The following IKBIP variants were observed in gnomAD, a reference collection of about 807,000 sequenced individuals.
The protein encoded by IKBIP is inhibitor of nuclear factor kappa-B kinase-interacting protein.
In IKBIP, 28 loss-of-function variants were observed where a neutral mutation model predicts 31.0. The ratio of observed to expected loss-of-function variants is 0.90; its 90% confidence interval spans 0.67 to 1.24. IKBIP has a LOEUF of 1.24. Among genes scored for constraint, IKBIP ranks in the 50% most tolerant of loss-of-function variants. The pLI is 0.00. For missense variants in IKBIP, 453 were observed against 441.9 expected, an observed-to-expected ratio of 1.03 and a Z score of -0.23; for synonymous variants, 164 against 160.3, an observed-to-expected ratio of 1.02 and a Z score of -0.17.
At chr12:98,643,876 T>TG (rs144656472) in intron 1 of IKBIP, among the ~76,000 whole-genome samples, 2,237 of 149,004 alleles carry the variant, frequency 0.015, 35 homozygotes, top group African/African-American at 0.035. Flanking sequence ...AGTGCAGTGA[T>TG]GCGATCTTGG....
chr12:98,618,364 C>T (rs561092644), intron 2 of IKBIP, among the ~76,000 whole-genome samples: 3 of 151,042 alleles, frequency 2.0e-5, no homozygotes, highest in East Asian at 2.0e-4. Context: ...CGGTGGCTCA[C>T]GCCTGTAATC....
chr12:98,624,800 TTTTATTTA>T lies in IKBIP; in HGVS notation c.*1122_*1129del. The T allele has an allele frequency of 1.2e-6, 1 of 845,886 alleles. No individual in the cohort carries two copies. Among genetic ancestry groups the T allele is most frequent in the South Asian group, 5.5e-5 (1 of 18,232 alleles). 52.4% of individuals were successfully genotyped at this position (845,886 alleles called of 1,614,324 possible). On this transcript the variant is annotated 3_prime_UTR_variant, in exon 3 of 3. Transcript: ENST00000299157. Reference sequence around the variant, plus strand: ...CCCTCAAAACAGGCCACAGGCTTATTTTTATTTATTTATTTATTTATTGAGACAGAGTC... The same window carrying T: ...CCCTCAAAACAGGCCACAGGCTTATTTTTATTTATTTATTGAGACAGAGTC...
chr12:98,644,501 A>T (rs1369534004), intron 1 of IKBIP, 22 bp downstream of exon 1: 2 of 1,565,512 alleles, frequency 1.3e-6, no homozygotes, highest in Non-Finnish European at 1.7e-6. Context: ...AGGCCGGCCC[A>T]GGCAGCCTCG....
intron 1 of IKBIP, among the ~76,000 whole-genome samples, chr12:98,636,126 T>G (rs1001817005): frequency 3.3e-5 from 5 of 152,188 alleles, no homozygotes; most frequent in African/African-American, 9.6e-5. Context: ...GCATATTGAG[T>G]CATCAAAACG....
intron 1 of IKBIP, among the ~76,000 whole-genome samples, chr12:98,643,817 C>CTTTTTTTTTTTTTTTTCT (rs1163038325): frequency 1.5e-5 from 2 of 136,932 alleles, no homozygotes; most frequent in African/African-American, 5.5e-5. Flanking sequence ...ATATGGTTTT[C>CTTTTTTTTTTTTTTTTCT]TTTTTTTTTT....
intron 1 of IKBIP, among the ~76,000 whole-genome samples, chr12:98,640,129 T>TA (rs879304602): frequency 6.6e-6 from 1 of 152,316 alleles, no homozygotes; most frequent in South Asian, 2.1e-4. Flanking sequence ...ACAGATACTA[T>TA]AAAAAACTTT....
At chr12:98,635,664 T>C (rs1433503676) in intron 1 of IKBIP, among the ~76,000 whole-genome samples, 4 of 152,228 alleles carry the variant, frequency 2.6e-5, no homozygotes, top group Non-Finnish European at 1.5e-5. Flanking sequence ...TGCTGAAATG[T>C]AGGCGAAACA....
At position 98,616,838 on chromosome 12, in the gene IKBIP, G is replaced by GT. The variant is rs1014605048; in HGVS notation, c.298-2499dup. On this transcript the variant is annotated intron_variant, in intron 2 of 2. Coordinates refer to the IKBIP transcript ENST00000342502. Reference sequence around the variant, plus strand: ...TGGGCTCTCTGTTCCATTAGTCTATGTTTTTTTTTTAAATGCTAGTATCAC... The same window carrying GT: ...TGGGCTCTCTGTTCCATTAGTCTATGTTTTTTTTTTTAAATGCTAGTATCAC... 9.0e-4 allele frequency among the ~76,000 whole-genome samples: 135 copies of GT among 149,386 alleles called. 1 individual carries two copies. The highest frequency in any genetic ancestry group is 2.8e-3 in the African/African-American group (115 of 40,850).
At chr12:98,617,481 T>A (rs1409450768) in intron 2 of IKBIP, among the ~76,000 whole-genome samples, 1 of 152,222 alleles carries the variant, frequency 6.6e-6, no homozygotes, top group Non-Finnish European at 1.5e-5. Context: ...TGCGTGCCTA[T>A]ATAGCAGTGT....
In IKBIP at chr12:98,626,571, C is replaced by A. The variant is rs1475432844; in HGVS notation, c.493G>T (p.Glu165Ter). The A allele has an allele frequency of 1.2e-6, 2 of 1,613,362 alleles. No individual in the cohort carries two copies. Among genetic ancestry groups the A allele is most frequent in the Non-Finnish European group, 1.7e-6 (2 of 1,179,814 alleles). Reference sequence around the variant, plus strand: ...AAAATGTCTGTATTAATGTTCATTTCTTCTAGGCTTCTCTTCCAGAAATCC... The same window carrying A: ...AAAATGTCTGTATTAATGTTCATTTATTCTAGGCTTCTCTTCCAGAAATCC... ...ITDFWKRSLEEMNINTDIFKS... is the reference protein window; with the variant it reads ...ITDFWKRSLE The change falls in exon 3 of 3, where the codon GAA (glutamate) becomes TAA (stop). Residue 165 changes from glutamate to a stop codon, truncating the protein, a stop_gained. Coordinates refer to ENST00000299157, the MANE Select transcript of IKBIP (RefSeq NM_153687.4). LOFTEE classifies it high-confidence loss of function.
chr12:98,635,360 G>A (rs889838578), intron 1 of IKBIP, among the ~76,000 whole-genome samples: 4 of 152,108 alleles, frequency 2.6e-5, no homozygotes, highest in Non-Finnish European at 5.9e-5. Flanking sequence ...CTCCCAAAGC[G>A]CTGGGATTAC....
rs894579114 is a variant in IKBIP at position 98,644,664 on chromosome 12, T to C, written c.38A>G (p.Lys13Arg). The C allele has an allele frequency of 3.7e-6, 6 of 1,610,736 alleles. No homozygotes were observed. The highest frequency in any genetic ancestry group is 3.4e-5 in the Admixed American group (2 of 59,664). ...EVKSRKKSGP[K>R]GAPAAEPGKR... ...CCCGGGCTCCGCAGCAGGGGCTCCC[T>C]TGGGCCCCGACTTCTTCCGGCTCTT... Residue 13 changes from lysine (K) to arginine (R), a missense_variant, in exon 1 of 3, where the codon AAG (lysine) becomes AGG (arginine). Lys to Arg is a conservative substitution (Grantham distance 26). Coordinates refer to ENST00000299157, the MANE Select transcript of IKBIP (RefSeq NM_153687.4).
chr12:98,625,890 A>T lies in IKBIP; in HGVS notation c.*40T>A. 7.4e-7 allele frequency: 1 copy of T among 1,342,460 alleles called. No homozygotes were observed. The highest frequency in any genetic ancestry group is 2.1e-5 in the South Asian group (1 of 47,786). The allele number at this position is 1,342,460 out of a possible 1,614,324, so 83.2% of individuals were successfully genotyped here. A position where few individuals can be genotyped will look rare whatever the true frequency, so the allele number is the denominator to read the frequency against. Reference sequence around the variant, plus strand: ...TCAAAATCAATGGACTAATCAATTTATGTATAATGATATGGTTCATCAGAA... The same window carrying T: ...TCAAAATCAATGGACTAATCAATTTTTGTATAATGATATGGTTCATCAGAA... On this transcript the variant is annotated 3_prime_UTR_variant, in exon 3 of 3. Transcript: ENST00000299157.
chr12:98,640,302 C>T (rs1372053936), intron 1 of IKBIP, among the ~76,000 whole-genome samples: 2 of 151,976 alleles, frequency 1.3e-5, no homozygotes, highest in South Asian at 2.1e-4. Flanking sequence ...GGCGTGGTGG[C>T]GCACACCTGT....
intron 2 of IKBIP, among the ~76,000 whole-genome samples, chr12:98,615,238 T>TC (rs1245725241): frequency 6.6e-6 from 1 of 151,972 alleles, no homozygotes; most frequent in East Asian, 1.9e-4. Flanking sequence ...AAATTCTCTC[T>TC]TTTTTTTGGA....
chr12:98,639,507 A>G (rs1285556761), intron 1 of IKBIP, among the ~76,000 whole-genome samples: 1 of 152,228 alleles, frequency 6.6e-6, no homozygotes, highest in Non-Finnish European at 1.5e-5. Flanking sequence ...GGCTACTTTT[A>G]GCGTAGGCCT....
Position 98,626,376 on chromosome 12 carries a change from G to C in IKBIP, c.688C>G (p.Gln230Glu). ...ATTGCCTTTGTATCAGAGCCTAGCT[G>C]CTCCTCTACTCGCAGGAGATCTTCT... The part of the protein sequence containing the change: ...EEEDLLRVEE[Q>E]LGSDTKAIEK... The change falls in exon 3 of 3, where the codon CAG (glutamine) becomes GAG (glutamate). Residue 230 changes from glutamine to glutamate, a missense_variant. Physicochemically the swap from Gln to Glu is conservative, Grantham distance 29 (BLOSUM62 2). Transcript: ENST00000299157. 1 of 1,613,964 alleles carries C rather than the reference G, an allele frequency of 6.2e-7. No homozygotes were observed. Among genetic ancestry groups the C allele is most frequent in the Non-Finnish European group, 8.5e-7 (1 of 1,180,034 alleles).
intron 2 of IKBIP, among the ~76,000 whole-genome samples, chr12:98,629,739 G>A (rs1297509484): frequency 6.6e-6 from 1 of 152,062 alleles, no homozygotes; most frequent in African/African-American, 2.4e-5. Flanking sequence ...GTATTTTGAA[G>A]AGGCAAGCTT....
intron 2 of IKBIP, among the ~76,000 whole-genome samples, chr12:98,617,547 C>A (rs995792970): frequency 7.2e-5 from 11 of 151,978 alleles, no homozygotes; most frequent in African/African-American, 2.7e-4. Context: ...TTGCATTGTG[C>A]CATCAGTTAA....
Sources: allele counts gnomAD v4.1 joint callset (sites outside exome capture counted in the v4.1 genomes callset), GRCh38; gene constraint gnomAD v4.1.1; transcripts MANE v1.5; gene names NCBI Gene and HGNC (gene_info 2026-07-23, HGNC 2026-07-21).